Variants in ZNF516 observed in about 807,000 individuals in gnomAD.
The protein encoded by ZNF516 is zinc finger protein 516.
ZNF516 carries 19 observed loss-of-function variants against 79.7 expected under a neutral mutation model. The observed-to-expected ratio is 0.24, with a 90% confidence interval of 0.17 to 0.35. The LOEUF (loss-of-function observed/expected upper bound fraction) is 0.35, where lower values mean the gene tolerates loss of function less well. ZNF516 is among the 10% of genes least tolerant of loss of function. ZNF516 has a pLI of 1.00. For missense variants in ZNF516, 1,678 were observed against 1,679.5 expected (o/e 1.00, Z 0.02); for synonymous variants, 877 against 739.5 (o/e 1.19, Z -3.02).
At chr18:76,416,729 GA>G (rs1425233774) in intron 3 of ZNF516, among the ~76,000 whole-genome samples, 1 of 152,120 alleles carries the variant, frequency 6.6e-6, no homozygotes, top group African/African-American at 2.4e-5. Flanking sequence ...AAAACCTTGA[GA>G]AACTTCAGTA....
Position 76,493,058 on chromosome 18 carries a change from C to G in ZNF516, c.-272+2086G>C. The stretch of plus-strand genomic sequence containing the variant: ...CGGATTGGCCAGCAGAGCCGTCACT[C>G]ACGCCCAGGGGGCAGGGAGACTTCG... On this transcript the variant is annotated intron_variant, in intron 1 of 6. Transcript: ENST00000443185. The surrounding 1 kb of genome is among the most constrained non-coding windows in gnomAD (Gnocchi z 5.2). The G allele has an allele frequency of 1.0e-6, 1 of 985,242 alleles. No individual in the cohort carries two copies. Among genetic ancestry groups the G allele is most frequent in the Non-Finnish European group, 1.2e-6 (1 of 829,906 alleles). 61.0% of individuals were successfully genotyped at this position (985,242 alleles called of 1,614,324 possible). A position where few individuals can be genotyped will look rare whatever the true frequency, so the allele number is the denominator to read the frequency against.
intron 3 of ZNF516, among the ~76,000 whole-genome samples, chr18:76,399,161 C>T (rs2075184711): frequency 6.6e-6 from 1 of 152,242 alleles, no homozygotes; most frequent in South Asian, 2.1e-4. Flanking sequence ...GGTCCCCGTA[C>T]ATGGAAGAGC....
intron 3 of ZNF516, among the ~76,000 whole-genome samples, chr18:76,435,948 C>T (rs1166358630): frequency 6.6e-6 from 1 of 152,272 alleles, no homozygotes; most frequent in Admixed American, 6.5e-5. Context: ...TCAGGCCTGG[C>T]ATGGGCCACA....
chr18:76,470,660 C>T (rs1244801171), intron 1 of ZNF516, among the ~76,000 whole-genome samples: 1 of 152,226 alleles, frequency 6.6e-6, no homozygotes, highest in Non-Finnish European at 1.5e-5. Flanking sequence ...TCATTAAGGA[C>T]TTCTTATCTA....
At chr18:76,453,263 TAG>T (rs1259206063) in intron 2 of ZNF516, among the ~76,000 whole-genome samples, 1 of 152,194 alleles carries the variant, frequency 6.6e-6, no homozygotes, top group African/African-American at 2.4e-5. Context: ...CCAGCATTGC[TAG>T]TATAGTTAAT....
At chr18:76,448,986 T>A (rs963284809) in intron 2 of ZNF516, among the ~76,000 whole-genome samples, 1 of 152,184 alleles carries the variant, frequency 6.6e-6, no homozygotes, top group African/African-American at 2.4e-5. Flanking sequence ...ACCACACTGG[T>A]GTGGCTTGAA....
Position 76,459,200 on chromosome 18 carries a change from C to T in ZNF516, c.-158+3828G>A, listed in dbSNP as rs1225235673. On this transcript the variant is annotated intron_variant, in intron 2 of 6. Coordinates refer to ENST00000443185, the MANE Select transcript of ZNF516 (RefSeq NM_014643.4). This position sits in a 1 kb window ranked among gnomAD's most constrained non-coding sequence, Gnocchi z 5.0. ...ACGGGGCGCCGGGCCCACCTGCTGCCCCTCTCCTGTGCATAGGGCGCTCTC... is the reference window on the plus strand; with the variant it reads ...ACGGGGCGCCGGGCCCACCTGCTGCTCCTCTCCTGTGCATAGGGCGCTCTC... Among the ~76,000 whole-genome samples, 2 of 152,188 alleles carry T rather than the reference C, an allele frequency of 1.3e-5. No individual in the cohort carries two copies. The highest frequency in any genetic ancestry group is 4.8e-5 in the African/African-American group (2 of 41,454).
chr18:76,366,435 C>A (rs1303184519), intron 6 of ZNF516, among the ~76,000 whole-genome samples: 1 of 152,222 alleles, frequency 6.6e-6, no homozygotes, highest in African/African-American at 2.4e-5. Flanking sequence ...TTTTCTCAAA[C>A]TCACGGTTTT....
In ZNF516 at chr18:76,371,517, T is replaced by C; in HGVS notation, c.3314A>G (p.Lys1105Arg). 1.9e-6 allele frequency: 3 copies of C among 1,610,894 alleles called. No individual in the cohort carries two copies. The highest frequency in any genetic ancestry group is 2.5e-6 in the Non-Finnish European group (3 of 1,179,826). The change falls in exon 5 of 7, where the codon AAG (lysine) becomes AGG (arginine). Residue 1105 changes from lysine (K) to arginine (R), a missense_variant. Around this residue, in one of 5 missense-constraint regions of ZNF516, gnomAD observed 1,294 missense variants for 1,248.3 expected, o/e 1.04. Coordinates refer to ENST00000443185, the MANE Select transcript of ZNF516 (RefSeq NM_014643.4). ...PGEFVCIECGKSFHQPGHLRA... is the reference protein window; with the variant it reads ...PGEFVCIECGRSFHQPGHLRA... ...GAGGTGGCCGGGCTGGTGGAAGCTC[T>C]TTCCGCACTCGATGCAGACGAACTC... is the stretch of plus-strand genomic sequence containing the variant.
intron 1 of ZNF516, among the ~76,000 whole-genome samples, chr18:76,466,291 G>A (rs1599134961): frequency 6.6e-6 from 1 of 152,212 alleles, no homozygotes; most frequent in Non-Finnish European, 1.5e-5. Context: ...GCAGGCAGGG[G>A]CACAGGGAGG....
At chr18:76,484,094 T>C (rs1914690315) in intron 1 of ZNF516, among the ~76,000 whole-genome samples, 1 of 152,366 alleles carries the variant, frequency 6.6e-6, no homozygotes, top group East Asian at 1.9e-4. Context: ...TAACTCAGCA[T>C]GACAACACGC....
intron 3 of ZNF516, among the ~76,000 whole-genome samples, chr18:76,383,920 T>G (rs899900974): frequency 6.6e-6 from 1 of 152,218 alleles, no homozygotes; most frequent in East Asian, 1.9e-4. Flanking sequence ...AATAAACTAC[T>G]GCCAAGTCCA....
At position 76,379,957 on chromosome 18, in the gene ZNF516, A is replaced by G; in HGVS notation, c.2157T>C (p.Ser719=). The G allele has an allele frequency of 1.2e-6, 2 of 1,613,980 alleles. No homozygotes were observed. Among genetic ancestry groups the G allele is most frequent in the Non-Finnish European group, 1.7e-6 (2 of 1,179,880 alleles). Residue 719 remains serine, a synonymous_variant, in exon 4 of 7, where the codon TCT becomes TCC. Coordinates refer to ENST00000443185, the MANE Select transcript of ZNF516 (RefSeq NM_014643.4). ...KLSDLHNKEH[S]GGGKRALAPD... ...GGGCCAGCGCCCGCTTCCCTCCCCC[A>G]GAGTGTTCCTTGTTGTGCAAATCGG...
In ZNF516 at chr18:76,454,655, TCC is replaced by T. The variant is rs532885598; in HGVS notation, c.-158+8371_-158+8372del. Among the ~76,000 whole-genome samples, 163 of 152,328 alleles carry T rather than the reference TCC, an allele frequency of 1.1e-3. 1 individual carries two copies. The highest frequency in any genetic ancestry group is 9.1e-3 in the South Asian group (44 of 4,826). The stretch of plus-strand genomic sequence containing the variant: ...CCTGACAAAAACATGATGTCACATT[TCC>T]ATAGGATTTACCCTGCACTGCCTGT... On this transcript the variant is annotated intron_variant, in intron 2 of 6. Transcript: ENST00000443185.
At chr18:76,411,753 T>A (rs904984331) in intron 3 of ZNF516, among the ~76,000 whole-genome samples, 1 of 152,054 alleles carries the variant, frequency 6.6e-6, no homozygotes. Flanking sequence ...TCCTTTTTCA[T>A]CCACAAAATG....
At chr18:76,395,748 G>A (rs954765261) in intron 3 of ZNF516, among the ~76,000 whole-genome samples, 1 of 151,878 alleles carries the variant, frequency 6.6e-6, no homozygotes, top group African/African-American at 2.4e-5. Flanking sequence ...CACGTGCCGA[G>A]GAAATGAAAC....
intron 3 of ZNF516, among the ~76,000 whole-genome samples, chr18:76,399,013 C>A (rs2075182598): frequency 6.6e-6 from 1 of 152,206 alleles, no homozygotes; most frequent in Non-Finnish European, 1.5e-5. Flanking sequence ...CACAAGCGGT[C>A]TCTGTCCTCC....
chr18:76,480,159 TAAAAAAAAAAAAAA>T (rs539724418), intron 1 of ZNF516, among the ~76,000 whole-genome samples: 1 of 109,188 alleles, frequency 9.2e-6, no homozygotes, highest in South Asian at 3.3e-4. Context: ...AGATTTTGTG[TAAAAAAAAAAAAAA>T]AAAAAAAAAG....
At chr18:76,397,169 A>G (rs1365336538) in intron 3 of ZNF516, among the ~76,000 whole-genome samples, 3 of 152,192 alleles carry the variant, frequency 2.0e-5, no homozygotes, top group Admixed American at 2.0e-4. Flanking sequence ...CCCAAGCCCC[A>G]AACACCAAGG....
Sources: gnomAD v4.1 joint callset for allele counts (sites outside exome capture counted in the v4.1 genomes callset) on GRCh38, gnomAD v4.1.1 for gene constraint, gnomAD v4.1.1 regional missense constraint, Gnocchi (gnomAD v3.1) non-coding constraint, MANE v1.5 for transcripts, NCBI Gene and HGNC (gene_info 2026-07-23, HGNC 2026-07-21) for gene names.